The following MACROD2 variants were observed in gnomAD, a reference collection of about 807,000 sequenced individuals.
MACROD2 encodes mono-ADP ribosylhydrolase 2.
MACROD2 carries 36 observed loss-of-function variants against 70.4 expected under a neutral mutation model. The observed-to-expected ratio is 0.51, with a 90% CI of 0.39 to 0.68. The LOEUF is 0.68. MACROD2 is among the 30% of genes least tolerant of loss of function. The pLI, the probability that MACROD2 is intolerant of heterozygous loss-of-function variation, is 0.00. For missense variants in MACROD2, 496 were observed against 538.4 expected (o/e 0.92, Z 0.78); for synonymous variants, 172 against 178.8 (o/e 0.96, Z 0.30).
Position 15,837,701 on chromosome 20 carries a change from A to G in MACROD2, c.646-25044A>G, listed in dbSNP as rs551126724. ...TTATTAACAAAACAATTTTATTAAC[A>G]TATATATTGGCCTCTGAGCTGCTTC... On this transcript the variant is annotated intron_variant, in intron 8 of 17. Transcript: ENST00000684519. Among the ~76,000 whole-genome samples the G allele has an allele frequency of 1.9e-4, 29 of 152,206 alleles. 1 individual carries two copies. Among genetic ancestry groups the G allele is most frequent in the African/African-American group, 6.7e-4 (28 of 41,516 alleles).
At chr20:14,060,074 C>G (rs915444594) in intron 2 of MACROD2, among the ~76,000 whole-genome samples, 3 of 152,178 alleles carry the variant, frequency 2.0e-5, no homozygotes, top group Non-Finnish European at 4.4e-5. Flanking sequence ...TGGTGGAAAA[C>G]TATAGGTTAT....
intron 5 of MACROD2, among the ~76,000 whole-genome samples, chr20:15,181,448 G>T (rs796174869): frequency 3.3e-5 from 5 of 152,198 alleles, no homozygotes; most frequent in African/African-American, 1.2e-4. Flanking sequence ...TGTCATTAAT[G>T]CTTGTCCAAA....
intron 8 of MACROD2, among the ~76,000 whole-genome samples, chr20:15,701,634 G>A (rs2050460863): frequency 6.6e-6 from 1 of 152,182 alleles, no homozygotes; most frequent in South Asian, 2.1e-4. Flanking sequence ...ATGAATTGAT[G>A]ATTGCCTCCA....
chr20:15,593,117 T>G (rs2048700895), intron 8 of MACROD2, among the ~76,000 whole-genome samples: 1 of 152,206 alleles, frequency 6.6e-6, no homozygotes, highest in Non-Finnish European at 1.5e-5. Context: ...GAGTAATTAC[T>G]CTGACATTCT....
chr20:16,047,687 C>G (rs115044613), intron 17 of MACROD2, among the ~76,000 whole-genome samples: 19,047 of 151,820 alleles, frequency 0.13, 1,271 homozygotes, highest in African/African-American at 0.15. Context: ...GTACCACCCT[C>G]AAGCAGATGA....
intron 5 of MACROD2, among the ~76,000 whole-genome samples, chr20:14,934,468 C>T (rs1193740031): frequency 6.6e-6 from 1 of 152,124 alleles, no homozygotes. Flanking sequence ...AAAAACAACA[C>T]ATCTAAATGA....
intron 8 of MACROD2, among the ~76,000 whole-genome samples, chr20:15,784,100 C>A (rs542590101): frequency 5.3e-5 from 8 of 152,200 alleles, no homozygotes; most frequent in African/African-American, 1.7e-4. Flanking sequence ...AATGTCGAAT[C>A]TGTGGTAGAG....
chr20:15,668,795 G>T (rs1454449592), intron 8 of MACROD2, among the ~76,000 whole-genome samples: 5 of 152,180 alleles, frequency 3.3e-5, no homozygotes, highest in Admixed American at 3.3e-4. Context: ...CCTGAAGCTT[G>T]TATTATCCAT....
rs1311504931 is a variant in MACROD2, at chr20:14,948,111, A to G, written c.418+263152A>G. Among the ~76,000 whole-genome samples, 3 of 152,140 alleles carry G rather than the reference A, an allele frequency of 2.0e-5. No individual in the cohort carries two copies. In the East Asian group the frequency reaches 5.8e-4, roughly 29 times the overall value. On this transcript the variant is annotated intron_variant, in intron 5 of 17. Coordinates refer to ENST00000684519, the MANE Select transcript of MACROD2 (RefSeq NM_001351661.2). The stretch of plus-strand genomic sequence containing the variant: ...CTTCCTTTGGCACAGAGCAAGTATC[A>G]CATCCTCTGTGCCCCCACCAGCTGA...
At chr20:14,145,401 G>T (rs2054931874) in intron 3 of MACROD2, among the ~76,000 whole-genome samples, 2 of 152,186 alleles carry the variant, frequency 1.3e-5, no homozygotes, top group South Asian at 4.2e-4. Flanking sequence ...TTGGAGTTCA[G>T]AAAACATTGA....
At chr20:15,417,636 AAAG>A (rs2046173504) in intron 6 of MACROD2, among the ~76,000 whole-genome samples, 1 of 149,176 alleles carries the variant, frequency 6.7e-6, no homozygotes, top group East Asian at 2.0e-4. Context: ...AAAGAAAAGA[AAAG>A]AAAAAAAAAA....
chr20:15,239,732 A>G (rs1479714669), intron 6 of MACROD2, among the ~76,000 whole-genome samples: 9 of 152,188 alleles, frequency 5.9e-5, no homozygotes, highest in African/African-American at 1.4e-4. Flanking sequence ...CATGACTCAC[A>G]TTGACTCAAG....
chr20:15,802,377 CTTG>C (rs1484125681), intron 8 of MACROD2, among the ~76,000 whole-genome samples: 2 of 152,172 alleles, frequency 1.3e-5, no homozygotes, highest in East Asian at 1.9e-4. Context: ...CTATGTATAA[CTTG>C]TTAAGAGTTT....
chr20:15,498,604 A>G (rs1020454568), intron 7 of MACROD2, among the ~76,000 whole-genome samples: 6 of 152,190 alleles, frequency 3.9e-5, no homozygotes, highest in African/African-American at 1.2e-4. Context: ...TGAAAAATTC[A>G]GGAGAAGAAG....
At chr20:14,704,624 C>T (rs1043132296) in intron 5 of MACROD2, among the ~76,000 whole-genome samples, 8 of 152,130 alleles carry the variant, frequency 5.3e-5, no homozygotes, top group Non-Finnish European at 1.0e-4. Flanking sequence ...CCTCTAGCTT[C>T]ATTCTATAGC....
chr20:14,068,357 G>A (rs551116179), intron 2 of MACROD2, among the ~76,000 whole-genome samples: 6 of 144,698 alleles, frequency 4.1e-5, no homozygotes, highest in Non-Finnish European at 5.9e-5. Context: ...TCTCATATTT[G>A]AGTGTAAGCT....
At chr20:15,610,296 T>C (rs2048949322) in intron 8 of MACROD2, among the ~76,000 whole-genome samples, 1 of 152,156 alleles carries the variant, frequency 6.6e-6, no homozygotes, top group Admixed American at 6.5e-5. Flanking sequence ...AACAGAAATG[T>C]ATTCTCTCAG....
chr20:16,010,376 C>CAT (rs2066847487), intron 15 of MACROD2, among the ~76,000 whole-genome samples: 1 of 152,156 alleles, frequency 6.6e-6, no homozygotes, highest in African/African-American at 2.4e-5. Context: ...CTTATCTCTG[C>CAT]ATATGCCAGT....
At chr20:15,012,701 A>G (rs1600946277) in intron 5 of MACROD2, among the ~76,000 whole-genome samples, 1 of 152,112 alleles carries the variant, frequency 6.6e-6, no homozygotes, top group East Asian at 1.9e-4. Flanking sequence ...GATAAAAGCC[A>G]CCACCTGCCT....
Sources: gnomAD v4.1 joint callset for allele counts (sites outside exome capture counted in the v4.1 genomes callset) on GRCh38, gnomAD v4.1.1 for gene constraint, MANE v1.5 for transcripts, NCBI Gene and HGNC (gene_info 2026-07-23, HGNC 2026-07-21) for gene names.